Variants in SUFU observed in about 807,000 individuals in gnomAD.
SUFU encodes suppressor of fused homolog.
A neutral mutation model predicts 58.9 loss-of-function variants in SUFU; 7 were observed. The observed-to-expected ratio is 0.12, with a 90% confidence interval of 0.07 to 0.22. The LOEUF (loss-of-function observed/expected upper bound fraction) is 0.22, where lower values mean the gene tolerates loss of function less well. SUFU is among the 10% of genes least tolerant of loss of function. The pLI is 1.00. For synonymous variants in SUFU, 232 were observed against 254.8 expected (o/e 0.91, Z 0.85); for missense variants, 451 against 641.3 (o/e 0.70, Z 3.20).
Position 102,630,299 on chromosome 10 carries a change from G to A in SUFU, c.*144G>A, listed in dbSNP as rs2063826672. On this transcript the variant is annotated 3_prime_UTR_variant, in exon 12 of 12. Coordinates refer to ENST00000369902, the MANE Select transcript of SUFU (RefSeq NM_016169.4). ...GCAGTGCCACCCCGCAGCCCAGTGG[G>A]GTGCCATGCACAGGCCACAGGCCCT... is the stretch of plus-strand genomic sequence containing the variant. The A allele has an allele frequency of 3.9e-6, 3 of 763,608 alleles. No homozygotes were observed. In the South Asian group the frequency reaches 4.6e-5, roughly 12 times the overall value. The allele number at this position is 763,608 out of a possible 1,614,324, so 47.3% of individuals were successfully genotyped here. A position where few individuals can be genotyped will look rare whatever the true frequency, so the allele number is the denominator to read the frequency against.
intron 10 of SUFU, among the ~76,000 whole-genome samples, chr10:102,622,080 C>G (rs2135944889): frequency 6.6e-6 from 1 of 152,322 alleles, no homozygotes; most frequent in African/African-American, 2.4e-5. Context: ...GGTGTGAGCC[C>G]ACTGGAGTAG....
intron 2 of SUFU, among the ~76,000 whole-genome samples, chr10:102,545,719 A>G (rs2062848536): frequency 6.6e-6 from 1 of 152,170 alleles, no homozygotes; most frequent in Non-Finnish European, 1.5e-5. Flanking sequence ...CACGCCTGTA[A>G]TCCCAGCACT....
chr10:102,621,448 G>A (rs1420851886), intron 10 of SUFU, among the ~76,000 whole-genome samples: 3 of 152,262 alleles, frequency 2.0e-5, no homozygotes, highest in South Asian at 4.1e-4. Context: ...ACTTTTCACC[G>A]CCCACTAAGA....
At chr10:102,627,045 G>T in intron 10 of SUFU, 130 bp from the exon 11 acceptor site, 2 of 985,614 alleles carry the variant, frequency 2.0e-6, no homozygotes, top group Non-Finnish European at 1.6e-6. Flanking sequence ...ACACTTCCCT[G>T]TGTCCCTTGA....
chr10:102,594,868 A>G (rs1020958089), intron 6 of SUFU, among the ~76,000 whole-genome samples: 2 of 151,918 alleles, frequency 1.3e-5, no homozygotes, highest in African/African-American at 4.8e-5. Flanking sequence ...ACAGGCGCCC[A>G]CCACCACGCC....
At chr10:102,615,168 T>C (rs1367494737) in intron 8 of SUFU, 100 bp from the exon 9 acceptor site, 1 of 1,532,118 alleles carries the variant, frequency 6.5e-7, no homozygotes, top group Non-Finnish European at 9.0e-7. Flanking sequence ...CAGTCACCAT[T>C]ATTGTCTTTA....
chr10:102,613,933 T>C (rs1356495015), intron 8 of SUFU, among the ~76,000 whole-genome samples: 3 of 152,222 alleles, frequency 2.0e-5, no homozygotes, highest in Admixed American at 1.3e-4. Context: ...TACAGGCTCC[T>C]GGGGCCTTAA....
chr10:102,512,684 T>A (rs2062415424), intron 2 of SUFU, among the ~76,000 whole-genome samples: 1 of 152,248 alleles, frequency 6.6e-6, no homozygotes, highest in African/African-American at 2.4e-5. Context: ...CCTAGTATTT[T>A]CCAGTATTAC....
intron 8 of SUFU, among the ~76,000 whole-genome samples, chr10:102,613,395 C>T (rs867119837): frequency 6.6e-6 from 1 of 152,208 alleles, no homozygotes; most frequent in African/African-American, 2.4e-5. Flanking sequence ...CAGGCAGGCA[C>T]GGCCCATGAC....
chr10:102,559,862 G>C (rs1047680259), intron 3 of SUFU, among the ~76,000 whole-genome samples: 1 of 152,158 alleles, frequency 6.6e-6, no homozygotes, highest in South Asian at 2.1e-4. Flanking sequence ...TAGGAAAAAC[G>C]TATCTCCCCA....
intron 9 of SUFU, among the ~76,000 whole-genome samples, chr10:102,616,512 C>T (rs1354594826): frequency 6.6e-6 from 1 of 152,230 alleles, no homozygotes; most frequent in African/African-American, 2.4e-5. Context: ...ACAGCCACAT[C>T]CTCCCCAGCC....
chr10:102,596,348 C>G (rs749789128), intron 6 of SUFU, among the ~76,000 whole-genome samples: 1 of 152,194 alleles, frequency 6.6e-6, no homozygotes, highest in Non-Finnish European at 1.5e-5. Context: ...GGTCCAGCAT[C>G]AATGAACTGT....
intron 3 of SUFU, among the ~76,000 whole-genome samples, chr10:102,579,290 G>T (rs925403408): frequency 7.2e-5 from 11 of 152,310 alleles, no homozygotes; most frequent in African/African-American, 2.6e-4. Flanking sequence ...GTGGGCACAG[G>T]GTGAGTGTCA....
At chr10:102,558,263 T>C (rs1590027666) in intron 3 of SUFU, among the ~76,000 whole-genome samples, 1 of 152,028 alleles carries the variant, frequency 6.6e-6, no homozygotes, top group Non-Finnish European at 1.5e-5. Flanking sequence ...GAGGCTAGAG[T>C]ACCATAGCAC....
At chr10:102,548,687 T>C (rs1005781917) in intron 2 of SUFU, among the ~76,000 whole-genome samples, 11 of 152,228 alleles carry the variant, frequency 7.2e-5, no homozygotes, top group Admixed American at 7.2e-4. Flanking sequence ...CCCTGGATGC[T>C]TCCCTTACCT....
At position 102,629,992 on chromosome 10, in the gene SUFU, G is replaced by A. The variant is rs992787094; in HGVS notation, c.1366-74G>A. 7.2e-6 allele frequency: 10 copies of A among 1,390,952 alleles called. No individual in the cohort carries two copies. The African/African-American group carries it at 1.3e-4, about 18-fold the overall frequency. 86.2% of individuals were successfully genotyped at this position (1,390,952 alleles called of 1,614,324 possible). On this transcript the variant is annotated intron_variant, in intron 11 of 11. Coordinates refer to ENST00000369902, the MANE Select transcript of SUFU (RefSeq NM_016169.4). The surrounding 1 kb of genome is among the most constrained non-coding windows in gnomAD (Gnocchi z 4.7). Reference sequence around the variant, plus strand: ...CCCTAGCTCCCCGGGGACAGGCCTGGGCAATCTCTGGAAAGACCACGGTGT... The same window carrying A: ...CCCTAGCTCCCCGGGGACAGGCCTGAGCAATCTCTGGAAAGACCACGGTGT...
chr10:102,573,189 G>C (rs1476970340), intron 3 of SUFU: 13 of 751,666 alleles, frequency 1.7e-5, no homozygotes, highest in Non-Finnish European at 3.1e-5. Flanking sequence ...TCGGCTTTAG[G>C]AGGAGCAGGA....
intron 3 of SUFU, among the ~76,000 whole-genome samples, chr10:102,578,299 C>T (rs2135822048): frequency 1.3e-5 from 2 of 148,224 alleles, no homozygotes; most frequent in South Asian, 4.3e-4. Context: ...GGCTTGGGGC[C>T]AGGCATGATG....
intron 3 of SUFU, among the ~76,000 whole-genome samples, chr10:102,561,193 C>T (rs930848979): frequency 6.6e-6 from 1 of 152,144 alleles, no homozygotes; most frequent in Non-Finnish European, 1.5e-5. Flanking sequence ...ATCACTTAGC[C>T]AGGTGTGGAG....
Sources: allele counts gnomAD v4.1 joint callset (sites outside exome capture counted in the v4.1 genomes callset), GRCh38; gene constraint gnomAD v4.1.1; non-coding constraint Gnocchi (gnomAD v3.1); transcripts MANE v1.5; gene names NCBI Gene and HGNC (gene_info 2026-07-23, HGNC 2026-07-21).